Variants in CD47 observed in about 807,000 individuals in gnomAD.
CD47 encodes leukocyte surface antigen CD47.
Under a neutral mutation model 44.6 loss-of-function variants are expected in CD47, and 11 were observed. The observed-to-expected ratio is 0.25, with a 90% CI of 0.16 to 0.41. The LOEUF (loss-of-function observed/expected upper bound fraction) is 0.41. Among genes scored for constraint, CD47 ranks in the 10% least tolerant of loss-of-function variants. The pLI is 1.00. For missense variants in CD47, 306 were observed against 386.7 expected (o/e 0.79, Z 1.75); for synonymous variants, 140 against 136.3 (o/e 1.03, Z -0.19).
chr3:108,064,848 TG>T (rs1276784940), intron 3 of CD47, among the ~76,000 whole-genome samples: 1 of 152,220 alleles, frequency 6.6e-6, no homozygotes, highest in Non-Finnish European at 1.5e-5. Context: ...AGAATATATT[TG>T]GTGTCTGTTG....
chr3:108,061,558 A>T (rs1266225924), intron 3 of CD47, among the ~76,000 whole-genome samples: 1 of 152,206 alleles, frequency 6.6e-6, no homozygotes, highest in East Asian at 1.9e-4. Flanking sequence ...CAAAGACTCA[A>T]TGGGATTCAT....
Position 108,090,843 on chromosome 3 carries a change from G to A in CD47, c.46+20C>T, listed in dbSNP as rs1453583057. The A allele has an allele frequency of 2.0e-6, 3 of 1,485,102 alleles. No individual in the cohort carries two copies. The highest frequency in any genetic ancestry group is 1.8e-6 in the Non-Finnish European group (2 of 1,122,914). 92.0% of individuals were successfully genotyped at this position (1,485,102 alleles called of 1,614,324 possible). Reference sequence around the variant, plus strand: ...GCGAAGCGACAGCAGCCGCAGGGCTGGGAGCGAGGAGCCACTCACCGCAGC... The same window carrying A: ...GCGAAGCGACAGCAGCCGCAGGGCTAGGAGCGAGGAGCCACTCACCGCAGC... On this transcript the variant is annotated intron_variant, in intron 1 of 10. Transcript: ENST00000361309.
In CD47 at chr3:108,090,952, G is replaced by C. The variant is rs1006794342; in HGVS notation, c.-44C>G. 7.3e-7 allele frequency: 1 copy of C among 1,374,704 alleles called. No homozygotes were observed. Among genetic ancestry groups the C allele is most frequent in the African/African-American group, 1.5e-5 (1 of 65,510 alleles). 85.2% of individuals were successfully genotyped at this position (1,374,704 alleles called of 1,614,324 possible). A position where few individuals can be genotyped will look rare whatever the true frequency, so the allele number is the denominator to read the frequency against. On this transcript the variant is annotated 5_prime_UTR_variant, in exon 1 of 11. Transcript: ENST00000361309. ...GTCGCCGCCGCCGCCGCAGGTGTCC[G>C]GAGCAGCAGCCGCCGCCGCCGTTAC...
intron 5 of CD47, 77 bp downstream of exon 5, chr3:108,059,375 A>G: frequency 1.5e-6 from 1 of 650,312 alleles, no homozygotes; most frequent in Non-Finnish European, 2.6e-6. Context: ...AAAAATTTAT[A>G]TGAGCATTTT....
At chr3:108,088,448 C>T (rs1309462084) in intron 1 of CD47, among the ~76,000 whole-genome samples, 1 of 152,150 alleles carries the variant, frequency 6.6e-6, no homozygotes, top group Non-Finnish European at 1.5e-5. Context: ...CTCTAGACTG[C>T]TGGGGCGGCC....
intron 8 of CD47, chr3:108,050,833 C>A: frequency 4.1e-6 from 2 of 483,136 alleles, no homozygotes; most frequent in African/African-American, 2.0e-5. Context: ...TATTATTTTT[C>A]TAAACAGAAT....
At chr3:108,072,414 T>C (rs955492841) in intron 2 of CD47, among the ~76,000 whole-genome samples, 13 of 152,234 alleles carry the variant, frequency 8.5e-5, no homozygotes, top group African/African-American at 2.9e-4. Flanking sequence ...AATGCTTACA[T>C]CAATCCCCAG....
intron 2 of CD47, among the ~76,000 whole-genome samples, chr3:108,078,672 G>C (rs1330383874): frequency 1.3e-5 from 2 of 151,462 alleles, no homozygotes; most frequent in Non-Finnish European, 3.0e-5. Context: ...AAGCTACAAT[G>C]TAAGAGAGAT....
intron 2 of CD47, among the ~76,000 whole-genome samples, chr3:108,076,622 A>G (rs974000329): frequency 6.6e-6 from 1 of 152,198 alleles, no homozygotes; most frequent in African/African-American, 2.4e-5. Flanking sequence ...TAAGAACTCC[A>G]TCTATCTCCT....
At chr3:108,065,793 C>G (rs1391919552) in intron 3 of CD47, among the ~76,000 whole-genome samples, 3 of 110,504 alleles carry the variant, frequency 2.7e-5, no homozygotes, top group African/African-American at 3.6e-5. Context: ...GCCTGGGCAA[C>G]AGAGCGAGAC....
At chr3:108,079,639 T>A (rs1349810608) in intron 2 of CD47, among the ~76,000 whole-genome samples, 2 of 118,360 alleles carry the variant, frequency 1.7e-5, no homozygotes, top group Admixed American at 8.7e-5. Flanking sequence ...GACTTGAAAA[T>A]TAGTCACAGG....
chr3:108,085,397 G>T (rs2079500450), intron 1 of CD47, among the ~76,000 whole-genome samples: 1 of 152,120 alleles, frequency 6.6e-6, no homozygotes, highest in African/African-American at 2.4e-5. Flanking sequence ...AATGTGCATA[G>T]TGATGGTATA....
intron 2 of CD47, among the ~76,000 whole-genome samples, chr3:108,079,567 T>TAAAAAAAAAAAAAAAA (rs71629342): frequency 1.9e-5 from 1 of 53,102 alleles, no homozygotes; most frequent in African/African-American, 1.0e-4. Flanking sequence ...AGTGTAAGGT[T>TAAAAAAAAAAAAAAAA]AAAAAAAAAA....
chr3:108,076,348 C>T (rs1277537939), intron 2 of CD47, among the ~76,000 whole-genome samples: 1 of 152,164 alleles, frequency 6.6e-6, no homozygotes, highest in Admixed American at 6.5e-5. Context: ...CTAAACAAAA[C>T]TCTAATAGCT....
intron 2 of CD47, among the ~76,000 whole-genome samples, chr3:108,073,706 C>T (rs558680677): frequency 2.0e-5 from 3 of 152,268 alleles, no homozygotes; most frequent in South Asian, 2.1e-4. Context: ...CAATGACAAG[C>T]GGCTGGAAGG....
At chr3:108,076,251 A>C (rs1279218586) in intron 2 of CD47, among the ~76,000 whole-genome samples, 1 of 152,188 alleles carries the variant, frequency 6.6e-6, no homozygotes, top group Admixed American at 6.5e-5. Context: ...AGATCTTGCA[A>C]TGCCTTCATG....
chr3:108,051,714 G>A (rs776012101), intron 8 of CD47: 9 of 635,584 alleles, frequency 1.4e-5, no homozygotes, highest in South Asian at 1.2e-4. Context: ...TGAGAAGTCA[G>A]TACAATCTTA....
chr3:108,052,620 C>T (rs1240062252), intron 7 of CD47: 1 of 152,160 alleles, frequency 6.6e-6, no homozygotes, highest in Non-Finnish European at 1.5e-5. Flanking sequence ...AAAGAATACC[C>T]TAGTTGGGGA....
chr3:108,069,408 A>T (rs917928759), intron 3 of CD47, among the ~76,000 whole-genome samples: 14 of 151,946 alleles, frequency 9.2e-5, no homozygotes, highest in Non-Finnish European at 1.8e-4. Context: ...ACCTTTTTTT[A>T]AAAAAAAGAT....
Sources: allele counts gnomAD v4.1 joint callset (sites outside exome capture counted in the v4.1 genomes callset), GRCh38; gene constraint gnomAD v4.1.1; transcripts MANE v1.5; gene names NCBI Gene and HGNC (gene_info 2026-07-23, HGNC 2026-07-21).